The following CTSO variants were observed in gnomAD, a reference collection of about 807,000 sequenced individuals.
The protein encoded by CTSO is cathepsin O.
Under a neutral mutation model 42.4 loss-of-function variants are expected in CTSO, and 40 were observed. That is an observed-to-expected ratio of 0.94 (90% CI 0.73 to 1.23). The LOEUF (loss-of-function observed/expected upper bound fraction) is 1.23. CTSO is among the 50% of genes most tolerant of loss of function. The pLI is 0.00. For missense variants in CTSO, 441 were observed against 396.0 expected, an observed-to-expected ratio of 1.11 and a Z score of -0.96; for synonymous variants, 156 against 146.2, an observed-to-expected ratio of 1.07 and a Z score of -0.48.
intron 5 of CTSO, among the ~76,000 whole-genome samples, chr4:155,937,013 C>T (rs543309103): frequency 6.6e-6 from 1 of 152,172 alleles, no homozygotes; most frequent in African/African-American, 2.4e-5. Flanking sequence ...GGTAATATAA[C>T]ACCTAAATTT....
chr4:155,943,632 C>G (rs1743480328), intron 1 of CTSO, among the ~76,000 whole-genome samples: 1 of 152,130 alleles, frequency 6.6e-6, no homozygotes, highest in African/African-American at 2.4e-5. Flanking sequence ...GACATTCACT[C>G]ATGTGGTTAA....
intron 4 of CTSO, among the ~76,000 whole-genome samples, chr4:155,939,046 A>T (rs969722748): frequency 1.3e-5 from 2 of 152,138 alleles, no homozygotes; most frequent in South Asian, 2.1e-4. Context: ...AAATAAAAAA[A>T]ATATATTCTC....
chr4:155,940,635 G>A (rs189161300), intron 3 of CTSO, among the ~76,000 whole-genome samples: 139 of 152,252 alleles, frequency 9.1e-4, no homozygotes, highest in African/African-American at 3.2e-3. Context: ...ATGAGGTCAG[G>A]AGTTCAAGAC....
chr4:155,930,823 A>G (rs1337089149), intron 5 of CTSO, among the ~76,000 whole-genome samples: 1 of 152,192 alleles, frequency 6.6e-6, no homozygotes, highest in African/African-American at 2.4e-5. Flanking sequence ...TTAACTATTA[A>G]CATGAATATC....
chr4:155,947,480 T>C (rs1344434454), intron 1 of CTSO, among the ~76,000 whole-genome samples: 4 of 152,228 alleles, frequency 2.6e-5, no homozygotes, highest in Non-Finnish European at 5.9e-5. Flanking sequence ...TGAGGATCAA[T>C]ATTATCTATT....
At chr4:155,932,937 C>T (rs979526701) in intron 5 of CTSO, among the ~76,000 whole-genome samples, 1 of 152,116 alleles carries the variant, frequency 6.6e-6, no homozygotes, top group African/African-American at 2.4e-5. Flanking sequence ...GCCGGGAATC[C>T]TCCTAGACTC....
chr4:155,929,163 TTA>T (rs1242591307), intron 6 of CTSO, among the ~76,000 whole-genome samples: 3 of 152,216 alleles, frequency 2.0e-5, no homozygotes, highest in African/African-American at 7.2e-5. Context: ...GCCCATCCCT[TTA>T]TTTCCCATAA....
chr4:155,946,050 CTT>C lies in CTSO; in HGVS notation c.136-2788_136-2787del, dbSNP rs527912478. The stretch of plus-strand genomic sequence containing the variant: ...TAATTCTAGGAATGGATTTTAGACT[CTT>C]GAGTGTAGGCAATGCTGTACGTGTG... On this transcript the variant is annotated intron_variant, in intron 1 of 7. Transcript: ENST00000433477. Among the ~76,000 whole-genome samples the C allele has an allele frequency of 1.5e-3, 221 of 152,236 alleles. 1 individual carries two copies. Among genetic ancestry groups the C allele is most frequent in the African/African-American group, 4.0e-3 (168 of 41,536 alleles).
Position 155,925,796 on chromosome 4 carries a change from G to C in CTSO, c.*240C>G, listed in dbSNP as rs1743119369. The C allele has an allele frequency of 4.3e-6, 2 of 467,746 alleles. No homozygotes were observed. Among genetic ancestry groups the C allele is most frequent in the African/African-American group, 4.1e-5 (2 of 49,064 alleles). 29.0% of individuals were successfully genotyped at this position (467,746 alleles called of 1,614,324 possible). A position where few individuals can be genotyped will look rare whatever the true frequency, so the allele number is the denominator to read the frequency against. On this transcript the variant is annotated 3_prime_UTR_variant, in exon 8 of 8. Transcript: ENST00000433477. ...CTAATCTGAATTTCGTCTCAGGACAGGAAACTATTCCATAGGCTTCCTCGC... is the reference window on the plus strand; with the variant it reads ...CTAATCTGAATTTCGTCTCAGGACACGAAACTATTCCATAGGCTTCCTCGC...
At chr4:155,944,145 T>C (rs1422276083) in intron 1 of CTSO, among the ~76,000 whole-genome samples, 1 of 152,232 alleles carries the variant, frequency 6.6e-6, no homozygotes, top group Non-Finnish European at 1.5e-5. Flanking sequence ...ACTTAGCACA[T>C]GGCTGACACA....
chr4:155,929,307 C>A (rs1412410058), intron 6 of CTSO, among the ~76,000 whole-genome samples: 1 of 152,190 alleles, frequency 6.6e-6, no homozygotes, highest in Non-Finnish European at 1.5e-5. Context: ...TTTCCCACTC[C>A]ACACTCTATA....
intron 1 of CTSO, among the ~76,000 whole-genome samples, chr4:155,947,709 A>T (rs1467740863): frequency 6.6e-6 from 1 of 152,130 alleles, no homozygotes; most frequent in Admixed American, 6.5e-5. Context: ...GCTATTAAAG[A>T]TTTCATAGAC....
At chr4:155,944,522 A>G (rs909366019) in intron 1 of CTSO, among the ~76,000 whole-genome samples, 9 of 152,206 alleles carry the variant, frequency 5.9e-5, no homozygotes, top group African/African-American at 2.2e-4. Flanking sequence ...CTGCCTGGCC[A>G]TCTTTGTGAG....
At chr4:155,934,314 G>A (rs1357306189) in intron 5 of CTSO, among the ~76,000 whole-genome samples, 1 of 152,236 alleles carries the variant, frequency 6.6e-6, no homozygotes, top group Non-Finnish European at 1.5e-5. Context: ...GATGTATGGA[G>A]ATGCCTGGAT....
intron 5 of CTSO, among the ~76,000 whole-genome samples, chr4:155,937,043 A>G (rs1440419201): frequency 6.6e-6 from 1 of 152,158 alleles, no homozygotes; most frequent in Non-Finnish European, 1.5e-5. Context: ...AAGGTGGTAT[A>G]TATAAATATA....
chr4:155,952,537 T>C (rs372503947), intron 1 of CTSO, among the ~76,000 whole-genome samples: 38 of 152,316 alleles, frequency 2.5e-4, no homozygotes, highest in African/African-American at 8.7e-4. Flanking sequence ...AAGTTGAGGA[T>C]AGGGGTAGAA....
chr4:155,931,182 A>G (rs1475780268), intron 5 of CTSO, among the ~76,000 whole-genome samples: 1 of 152,130 alleles, frequency 6.6e-6, no homozygotes, highest in Admixed American at 6.5e-5. Flanking sequence ...TCCCCATAGG[A>G]TTTAGTGTAT....
intron 1 of CTSO, among the ~76,000 whole-genome samples, chr4:155,951,232 A>AT (rs1255068379): frequency 1.3e-5 from 2 of 152,150 alleles, no homozygotes; most frequent in African/African-American, 4.8e-5. Context: ...TATCAAGCAA[A>AT]TTTTATTGGA....
chr4:155,934,399 T>C (rs371915028), intron 5 of CTSO, among the ~76,000 whole-genome samples: 131 of 152,224 alleles, frequency 8.6e-4, no homozygotes, highest in South Asian at 8.1e-3. Flanking sequence ...AAGAAAAATG[T>C]GGGGTTGGAG....
Sources: gnomAD v4.1 joint callset for allele counts (sites outside exome capture counted in the v4.1 genomes callset) on GRCh38, gnomAD v4.1.1 for gene constraint, MANE v1.5 for transcripts, NCBI Gene and HGNC (gene_info 2026-07-23, HGNC 2026-07-21) for gene names.